Variants in MED12L observed in about 807,000 individuals in gnomAD.
MED12L encodes mediator of RNA polymerase II transcription subunit 12-like protein.
In MED12L, 60 loss-of-function variants were observed where a neutral mutation model predicts 281.3. The observed-to-expected ratio is 0.21, with a 90% CI of 0.17 to 0.26. The LOEUF (loss-of-function observed/expected upper bound fraction) is 0.26, where lower values mean the gene tolerates loss of function less well. Among genes scored for constraint, MED12L ranks in the 10% least tolerant of loss-of-function variants. MED12L has a pLI of 1.00. For missense variants in MED12L, 2,146 were observed against 2,680.9 expected, an observed-to-expected ratio of 0.80 and a Z score of 4.41; for synonymous variants, 974 against 987.2, an observed-to-expected ratio of 0.99 and a Z score of 0.25.
intron 32 of MED12L, among the ~76,000 whole-genome samples, chr3:151,381,936 C>T (rs1475444083): frequency 2.6e-5 from 4 of 152,164 alleles, no homozygotes; most frequent in African/African-American, 9.7e-5. Context: ...TCATTAATGA[C>T]CATATTTCAG....
chr3:151,375,386 A>T (rs751691680), intron 27 of MED12L, among the ~76,000 whole-genome samples: 2 of 152,182 alleles, frequency 1.3e-5, no homozygotes, highest in Non-Finnish European at 2.9e-5. Context: ...TTTGAAAAAA[A>T]TGGTAAAGAA....
intron 16 of MED12L, among the ~76,000 whole-genome samples, chr3:151,270,620 G>C (rs1286540778): frequency 1.3e-5 from 2 of 152,010 alleles, no homozygotes; most frequent in Non-Finnish European, 2.9e-5. Flanking sequence ...ACTTTCTCTT[G>C]TTTAAAAAAA....
At chr3:151,404,322 A>G (rs1716043512) in intron 39 of MED12L, among the ~76,000 whole-genome samples, 2 of 152,198 alleles carry the variant, frequency 1.3e-5, no homozygotes, top group Admixed American at 6.5e-5. Context: ...TCATTACTGT[A>G]TGGGATGTGT....
In MED12L at chr3:151,433,616, T is replaced by C. The variant is rs1029322898; in HGVS notation, c.*812T>C. The stretch of plus-strand genomic sequence containing the variant: ...GCCTGAAAGAACTGCAGTGGAATCG[T>C]CCAACTATTTATTGCCAGTTTTGGT... On this transcript the variant is annotated 3_prime_UTR_variant, in exon 45 of 45. Transcript: ENST00000687756. 19 of 152,378 alleles carry C rather than the reference T, an allele frequency of 1.2e-4. No individual in the cohort carries two copies. The highest frequency in any genetic ancestry group is 1.2e-3 in the Admixed American group (19 of 15,282). The allele number at this position is 152,378 out of a possible 1,614,324, so 9.4% of individuals were successfully genotyped here.
chr3:151,395,136 T>G (rs964098466), intron 39 of MED12L, among the ~76,000 whole-genome samples: 2 of 152,194 alleles, frequency 1.3e-5, no homozygotes, highest in Admixed American at 1.3e-4. Context: ...TTTGGTCAAT[T>G]AGAAGAAGCA....
chr3:151,289,301 C>T (rs561590680), intron 16 of MED12L, among the ~76,000 whole-genome samples: 11 of 152,186 alleles, frequency 7.2e-5, no homozygotes, highest in Admixed American at 2.0e-4. Context: ...TATTTCATGA[C>T]GTAGAAAGCA....
intron 5 of MED12L, among the ~76,000 whole-genome samples, chr3:151,144,064 T>C (rs567083156): frequency 2.0e-4 from 31 of 152,332 alleles, no homozygotes; most frequent in African/African-American, 7.2e-4. Context: ...GAGAAGGAGC[T>C]GAGCCTGTTG....
At chr3:151,396,339 C>T (rs908707025) in intron 39 of MED12L, among the ~76,000 whole-genome samples, 2 of 152,106 alleles carry the variant, frequency 1.3e-5, no homozygotes, top group Admixed American at 6.6e-5. Context: ...AAAGTAATAA[C>T]GCCTAGGGCC....
At chr3:151,247,378 G>T (rs2149425072) in intron 16 of MED12L, among the ~76,000 whole-genome samples, 1 of 152,192 alleles carries the variant, frequency 6.6e-6, no homozygotes, top group South Asian at 2.1e-4. Flanking sequence ...GTCCAACAAT[G>T]ATAGACTGGA....
rs1720236113 is a variant in MED12L at position 151,436,485 on chromosome 3, AAAGTTT to A, written c.*3682_*3687del. The A allele has an allele frequency of 2.2e-6, 1 of 444,900 alleles. No individual in the cohort carries two copies. Among genetic ancestry groups the A allele is most frequent in the East Asian group, 3.6e-5 (1 of 27,932 alleles). 27.6% of individuals were successfully genotyped at this position (444,900 alleles called of 1,614,324 possible). A position where few individuals can be genotyped will look rare whatever the true frequency, so the allele number is the denominator to read the frequency against. On this transcript the variant is annotated 3_prime_UTR_variant, in exon 45 of 45. Coordinates refer to ENST00000687756, the MANE Select transcript of MED12L (RefSeq NM_001393769.1). ...GGCAAAATAAAAGTGCCTTAAGTTA[AAAGTTT>A]GTTTTGAGATCCATTAAATAAATCA...
chr3:151,140,324 A>G (rs941917481), intron 5 of MED12L, among the ~76,000 whole-genome samples: 2 of 152,214 alleles, frequency 1.3e-5, no homozygotes, highest in Non-Finnish European at 2.9e-5. Context: ...TATTAACTCA[A>G]TGCACATTGT....
intron 16 of MED12L, among the ~76,000 whole-genome samples, chr3:151,235,757 G>A (rs1291322223): frequency 1.3e-5 from 2 of 152,032 alleles, no homozygotes; most frequent in Non-Finnish European, 2.9e-5. Flanking sequence ...GGTCCTTGGA[G>A]CTGGCTTCTG....
At chr3:151,134,942 A>C (rs1715926779) in intron 5 of MED12L, among the ~76,000 whole-genome samples, 1 of 151,664 alleles carries the variant, frequency 6.6e-6, no homozygotes, top group African/African-American at 2.4e-5. Context: ...AAGCCATGGA[A>C]GGGTTTATTA....
intron 16 of MED12L, among the ~76,000 whole-genome samples, chr3:151,222,141 A>T (rs1485528381): frequency 6.6e-6 from 1 of 152,178 alleles, no homozygotes; most frequent in Non-Finnish European, 1.5e-5. Flanking sequence ...AGTTCCTCCC[A>T]TTTGGAATGA....
chr3:151,086,860 C>T lies in MED12L; in HGVS notation c.-67C>T, dbSNP rs1272307626. 7.6e-7 allele frequency: 1 copy of T among 1,307,308 alleles called. No homozygotes were observed. Among genetic ancestry groups the T allele is most frequent in the East Asian group, 2.6e-5 (1 of 38,850 alleles). The allele number at this position is 1,307,308 out of a possible 1,614,324, so 81.0% of individuals were successfully genotyped here. On this transcript the variant is annotated 5_prime_UTR_variant, in exon 2 of 45. Transcript: ENST00000687756. Reference sequence around the variant, plus strand: ...GGAGTCTGTCTGCAAAGTGCTGCTCCCTGGTGCTCAGAGGCGGCTGCTCCA... The same window carrying T: ...GGAGTCTGTCTGCAAAGTGCTGCTCTCTGGTGCTCAGAGGCGGCTGCTCCA...
chr3:151,093,340 A>G (rs1382114009), intron 2 of MED12L, among the ~76,000 whole-genome samples: 1 of 152,176 alleles, frequency 6.6e-6, no homozygotes, highest in Non-Finnish European at 1.5e-5. Flanking sequence ...CCTCTACCCC[A>G]GAAATGCTGA....
intron 2 of MED12L, 39 bp downstream of exon 2, chr3:151,087,064 G>A: frequency 6.5e-7 from 1 of 1,533,224 alleles, no homozygotes; most frequent in East Asian, 2.3e-5. Flanking sequence ...CCGGGGCCGC[G>A]CTCTGCAGCA....
rs1753869933 is a variant in MED12L at position 151,355,971 on chromosome 3, A to G, written c.2593A>G (p.Ile865Val). ...TSYHLPLAHH[I>V]QLIFDLMEPA... is the part of the protein sequence containing the mutation. ...CTATCATCTCCCTTTGGCTCACCAC[A>G]TTCAGCTCATCTTTGATCTCATGGA... The change falls in exon 19 of 45, where the codon ATT (isoleucine) becomes GTT (valine). Residue 865 changes from isoleucine (I) to valine (V), a missense_variant. Ile to Val is a conservative substitution (Grantham distance 29). This residue lies in a region of MED12L where 404 missense variants were observed against 603.5 expected (regional missense o/e 0.67). Transcript: ENST00000687756. The G allele has an allele frequency of 1.2e-6, 2 of 1,614,140 alleles. No homozygotes were observed. Among genetic ancestry groups the G allele is most frequent in the South Asian group, 1.1e-5 (1 of 91,078 alleles).
In MED12L at chr3:151,337,913, A is replaced by G. The variant is rs1315181136; in HGVS notation, c.2251-12146A>G. Reference sequence around the variant, plus strand: ...TTGCAGAATTGGGGCACTTCAGCATACTTATCAAGGAATTTCTGAAGGACT... The same window carrying G: ...TTGCAGAATTGGGGCACTTCAGCATGCTTATCAAGGAATTTCTGAAGGACT... On this transcript the variant is annotated intron_variant, in intron 16 of 44. Coordinates refer to ENST00000687756, the MANE Select transcript of MED12L (RefSeq NM_001393769.1). The G allele has an allele frequency of 5.6e-6, 9 of 1,613,944 alleles. No individual in the cohort carries two copies. The East Asian group carries it at 2.0e-4, about 36-fold the overall frequency.
Sources: gnomAD v4.1 joint callset for allele counts (sites outside exome capture counted in the v4.1 genomes callset) on GRCh38, gnomAD v4.1.1 for gene constraint, gnomAD v4.1.1 regional missense constraint, MANE v1.5 for transcripts, NCBI Gene and HGNC (gene_info 2026-07-23, HGNC 2026-07-21) for gene names.